Variants in PRELID2 observed in about 807,000 individuals in gnomAD.
The protein encoded by PRELID2 is PRELI domain containing 2, also known as PRELI domain-containing protein 2.
In PRELID2, 25 loss-of-function variants were observed where a neutral mutation model predicts 28.4. The ratio of observed to expected loss-of-function variants is 0.88; its 90% CI spans 0.64 to 1.23. The LOEUF is 1.23. PRELID2 is among the 50% of genes most tolerant of loss of function. The probability of loss-of-function intolerance (pLI) is 0.00; values close to 1 mark genes in which losing one functional copy is unlikely to be tolerated. For missense variants in PRELID2, 201 were observed against 214.4 expected (o/e 0.94, Z 0.39); for synonymous variants, 76 against 71.6 (o/e 1.06, Z -0.31).
At chr5:145,674,118 T>A (rs1278735904) in intron 1 of PRELID2, among the ~76,000 whole-genome samples, 2 of 152,192 alleles carry the variant, frequency 1.3e-5, no homozygotes, top group Non-Finnish European at 2.9e-5. Context: ...CTGCTTGGTA[T>A]TAAGATGGTT....
intron 4 of PRELID2, among the ~76,000 whole-genome samples, chr5:145,797,122 T>C (rs1435349890): frequency 6.6e-6 from 1 of 152,080 alleles, no homozygotes; most frequent in African/African-American, 2.4e-5. Context: ...CAAAATTATA[T>C]CAATATTAAT....
Position 145,555,913 on chromosome 5 carries a change from C to T in PRELID2, n.71-82598G>A, listed in dbSNP as rs138801336. On this transcript the variant is annotated intron_variant and non_coding_transcript_variant, in intron 1 of 2. Transcript: ENST00000510259. The stretch of plus-strand genomic sequence containing the variant: ...CATTAAAACTTGTGCTCAGGCCAGA[C>T]ATGGTGGCTCATGATTGTAATCATA... 6.4e-4 allele frequency among the ~76,000 whole-genome samples: 98 copies of T among 152,232 alleles called. 1 individual carries two copies. Among genetic ancestry groups the T allele is most frequent in the South Asian group, 5.0e-3 (24 of 4,822 alleles).
Position 145,565,978 on chromosome 5 carries a change from G to A in PRELID2, n.71-92663C>T, listed in dbSNP as rs373464324. On this transcript the variant is annotated intron_variant and non_coding_transcript_variant, in intron 1 of 2. Coordinates refer to the PRELID2 transcript ENST00000510259. ...ACATGGACACATCTAGAGCTTTGGA[G>A]TGGAGTCAACTCTACGTGAAGCTCA... is the stretch of plus-strand genomic sequence containing the variant. Among the ~76,000 whole-genome samples, 28 of 152,356 alleles carry A rather than the reference G, an allele frequency of 1.8e-4. No individual in the cohort carries two copies. In the South Asian group the frequency reaches 2.1e-3, roughly 11 times the overall value.
chr5:145,443,559 C>A, the PRELID2 span, among the ~76,000 whole-genome samples: 1 of 152,032 alleles, frequency 6.6e-6, no homozygotes, highest in African/African-American at 2.4e-5. Context: ...AAAAATGAAG[C>A]CTAGGGTCCT....
intron 1 of PRELID2, among the ~76,000 whole-genome samples, chr5:145,646,596 C>T (rs1480499877): frequency 6.6e-6 from 1 of 152,104 alleles, no homozygotes; most frequent in Non-Finnish European, 1.5e-5. Flanking sequence ...AGTTTTGATC[C>T]TTTGGAGGAA....
At chr5:145,722,673 T>C (rs1756023704) in intron 1 of PRELID2, among the ~76,000 whole-genome samples, 1 of 152,122 alleles carries the variant, frequency 6.6e-6, no homozygotes, top group African/African-American at 2.4e-5. Context: ...CTAATTTTTG[T>C]ATTTTTGTTA....
At chr5:145,448,420 G>A in the PRELID2 span, among the ~76,000 whole-genome samples, 2 of 152,042 alleles carry the variant, frequency 1.3e-5, no homozygotes, top group African/African-American at 4.8e-5. Context: ...CACGTTGTAG[G>A]TTGCCTGTTC....
chr5:145,376,753 G>T, the PRELID2 span, among the ~76,000 whole-genome samples: 2 of 152,000 alleles, frequency 1.3e-5, no homozygotes, highest in East Asian at 1.9e-4. Flanking sequence ...CCTTGTTTCT[G>T]ATTGTGTTTA....
At chr5:145,651,803 A>G (rs1046006800) in intron 1 of PRELID2, among the ~76,000 whole-genome samples, 6 of 152,228 alleles carry the variant, frequency 3.9e-5, no homozygotes, top group Non-Finnish European at 7.3e-5. Context: ...AAAGATGGGG[A>G]AAAAACAGAG....
chr5:145,280,601 T>C, the PRELID2 span, among the ~76,000 whole-genome samples: 1 of 151,884 alleles, frequency 6.6e-6, no homozygotes, highest in African/African-American at 2.4e-5. Flanking sequence ...TGTATACACA[T>C]GTAACTAACC....
intron 1 of PRELID2, among the ~76,000 whole-genome samples, chr5:145,715,023 C>G (rs758315003): frequency 6.6e-6 from 1 of 152,130 alleles, no homozygotes; most frequent in Non-Finnish European, 1.5e-5. Context: ...TCTAGGCAAG[C>G]CTTCCCAATG....
intron 1 of PRELID2, among the ~76,000 whole-genome samples, chr5:145,612,411 T>A (rs1268943667): frequency 6.6e-6 from 1 of 152,186 alleles, no homozygotes; most frequent in Non-Finnish European, 1.5e-5. Context: ...TCATAGCATA[T>A]TATAAAATCC....
intron 1 of PRELID2, among the ~76,000 whole-genome samples, chr5:145,709,022 G>C (rs902984118): frequency 6.6e-6 from 1 of 152,192 alleles, no homozygotes; most frequent in African/African-American, 2.4e-5. Flanking sequence ...GGGTGAGAAA[G>C]CTGCTCCAGC....
At chr5:145,474,952 A>G (rs1311115633) in intron 1 of PRELID2, among the ~76,000 whole-genome samples, 2 of 152,200 alleles carry the variant, frequency 1.3e-5, no homozygotes, top group African/African-American at 4.8e-5. Flanking sequence ...TATTAAATGA[A>G]CTATTTACTA....
chr5:145,494,469 T>C (rs1436847189), intron 1 of PRELID2, among the ~76,000 whole-genome samples: 1 of 152,150 alleles, frequency 6.6e-6, no homozygotes, highest in East Asian at 1.9e-4. Context: ...TCATAGCTAG[T>C]TAATTGGTAG....
At chr5:145,763,151 A>G (rs1313976823) in intron 6 of PRELID2, among the ~76,000 whole-genome samples, 1 of 152,238 alleles carries the variant, frequency 6.6e-6, no homozygotes, top group Non-Finnish European at 1.5e-5. Flanking sequence ...ATGGAAATGG[A>G]GACCCCTCAT....
the PRELID2 span, among the ~76,000 whole-genome samples, chr5:145,410,151 TAAATC>T: frequency 1.3e-5 from 2 of 152,158 alleles, no homozygotes; most frequent in Non-Finnish European, 2.9e-5. Flanking sequence ...ACCTTATACA[TAAATC>T]AAGTCAAGAT....
chr5:145,806,119 T>A (rs1753488004), intron 4 of PRELID2, among the ~76,000 whole-genome samples: 1 of 152,198 alleles, frequency 6.6e-6, no homozygotes, highest in Admixed American at 6.5e-5. Flanking sequence ...AATTTATTTT[T>A]AAAATTTTTC....
At chr5:145,336,351 G>A in the PRELID2 span, among the ~76,000 whole-genome samples, 1 of 151,304 alleles carries the variant, frequency 6.6e-6, no homozygotes, top group African/African-American at 2.4e-5. Flanking sequence ...CCTTGCCCAT[G>A]CCTATGTCCT....
Sources: gnomAD v4.1 joint callset for allele counts (sites outside exome capture counted in the v4.1 genomes callset) on GRCh38, gnomAD v4.1.1 for gene constraint, MANE v1.5 for transcripts, NCBI Gene and HGNC (gene_info 2026-07-23, HGNC 2026-07-21) for gene names.